EPCAM: variants seen among roughly 807,000 people sequenced by gnomAD.
The protein encoded by EPCAM is epithelial cell adhesion molecule, also known as adenocarcinoma-associated antigen.
Under a neutral mutation model 40.0 loss-of-function variants are expected in EPCAM, and 39 were observed. The ratio of observed to expected loss-of-function variants is 0.98; its 90% CI spans 0.76 to 1.27. The LOEUF (loss-of-function observed/expected upper bound fraction) is 1.27, where lower values mean the gene tolerates loss of function less well. Among genes scored for constraint, EPCAM ranks in the 50% most tolerant of loss-of-function variants. The probability of loss-of-function intolerance (pLI) is 0.00; values close to 1 mark genes in which losing one functional copy is unlikely to be tolerated. For missense variants in EPCAM, 503 were observed against 381.2 expected, an observed-to-expected ratio of 1.32 and a Z score of -2.66; for synonymous variants, 168 against 132.3, an observed-to-expected ratio of 1.27 and a Z score of -1.85.
At chr2:47,374,625 G>GT (rs1671374530) in intron 3 of EPCAM, among the ~76,000 whole-genome samples, 2 of 151,914 alleles carry the variant, frequency 1.3e-5, no homozygotes, top group African/African-American at 4.8e-5. Flanking sequence ...CCTTTCTTTT[G>GT]TTTTTTCTTT....
At position 47,386,581 on chromosome 2, in the gene EPCAM, A is replaced by G. The variant is rs753121449; in HGVS notation, c.913A>G (p.Met305Val). ...CTTTTTCCTGTTTCAGATAAAGGAGATGGGTGAGATGCATAGGGAACTCAA... is the reference window on the plus strand; with the variant it reads ...CTTTTTCCTGTTTCAGATAAAGGAGGTGGGTGAGATGCATAGGGAACTCAA... ...AKYEKAEIKE[M>V]GEMHRELNA is the part of the protein sequence containing the mutation. The change falls in exon 9 of 9, where the codon ATG (methionine) becomes GTG (valine). Residue 305 changes from methionine (M) to valine (V), a missense_variant. Coordinates refer to ENST00000263735, the MANE Select transcript of EPCAM (RefSeq NM_002354.3). 4.4e-6 allele frequency: 7 copies of G among 1,606,134 alleles called. No individual in the cohort carries two copies. The South Asian group carries it at 4.4e-5, about 10-fold the overall frequency.
rs1421813110 is a variant in EPCAM at position 47,378,877 on chromosome 2, A to G, written c.556-76A>G. On this transcript the variant is annotated intron_variant, in intron 5 of 8. Transcript: ENST00000263735. ...AGAAAATCAAACACTGAATATTCTG[A>G]TTCTCAATTAATGTTATTTTCAAAT... 86 of 757,812 alleles carry G rather than the reference A, an allele frequency of 1.1e-4. 3 individuals carry two copies. The highest frequency in any genetic ancestry group is 1.0e-3 in the South Asian group (70 of 69,026). 46.9% of individuals were successfully genotyped at this position (757,812 alleles called of 1,614,324 possible). A position where few individuals can be genotyped will look rare whatever the true frequency, so the allele number is the denominator to read the frequency against.
At chr2:47,375,140 T>C (rs924866369) in intron 3 of EPCAM, 94 bp from the exon 4 acceptor site, 5 of 916,120 alleles carry the variant, frequency 5.5e-6, no homozygotes, top group Non-Finnish European at 8.8e-6. Context: ...TTTCTCTTAG[T>C]CCTTATAATT....
In EPCAM at chr2:47,379,879, AC is replaced by A; in HGVS notation, c.770del (p.Pro257LeufsTer8). 6.2e-7 allele frequency: 1 copy of A among 1,614,164 alleles called. No homozygotes were observed. Among genetic ancestry groups the A allele is most frequent in the Non-Finnish European group, 8.5e-7 (1 of 1,180,034 alleles). ...TLIYYVDEKA[P>X]EFSMQGLKAG... is the part of the protein sequence containing the mutation. ...TAATTTATTATGTTGATGAAAAAGC[AC>A]CTGAATTCTCAATGCAGGGTCTAAA... On this transcript the variant is annotated frameshift_variant, in exon 7 of 9. Coordinates refer to ENST00000263735, the MANE Select transcript of EPCAM (RefSeq NM_002354.3). LOFTEE classifies it high-confidence loss of function.
chr2:47,378,172 C>G (rs965900407), intron 5 of EPCAM, among the ~76,000 whole-genome samples: 2 of 152,086 alleles, frequency 1.3e-5, no homozygotes, highest in South Asian at 4.1e-4. Flanking sequence ...GCGGAGCTTG[C>G]AGTCAGCTGA....
chr2:47,377,787 G>T, intron 5 of EPCAM: 1 of 464,410 alleles, frequency 2.2e-6, no homozygotes, highest in Non-Finnish European at 4.4e-6. Flanking sequence ...CTGCTTTAAG[G>T]AACTAGTCCT....
intron 5 of EPCAM, among the ~76,000 whole-genome samples, chr2:47,377,452 G>A (rs1002313248): frequency 6.6e-6 from 1 of 151,926 alleles, no homozygotes; most frequent in African/African-American, 2.4e-5. Flanking sequence ...GGCCAGGCTG[G>A]TCTCGAACTC....
Position 47,386,623 on chromosome 2 carries a change from T to A in EPCAM, c.*10T>A, listed in dbSNP as rs1244915626. On this transcript the variant is annotated 3_prime_UTR_variant, in exon 9 of 9. Coordinates refer to ENST00000263735, the MANE Select transcript of EPCAM (RefSeq NM_002354.3). ...GGAACTCAATGCATAACTATATAAT[T>A]TGAAGATTATAGAAGAAGGGAAATA... 1.3e-6 allele frequency: 2 copies of A among 1,586,202 alleles called. No individual in the cohort carries two copies. The highest frequency in any genetic ancestry group is 1.7e-6 in the Non-Finnish European group (2 of 1,155,666).
intron 3 of EPCAM, 94 bp from the exon 4 acceptor site, chr2:47,375,140 T>G: frequency 1.1e-6 from 1 of 916,238 alleles, no homozygotes; most frequent in South Asian, 1.4e-5. Flanking sequence ...TTTCTCTTAG[T>G]CCTTATAATT....
chr2:47,374,579 T>G (rs1671373500), intron 3 of EPCAM, among the ~76,000 whole-genome samples: 1 of 152,144 alleles, frequency 6.6e-6, no homozygotes, highest in Non-Finnish European at 1.5e-5. Context: ...TCTGTTCTGG[T>G]CTTCTGGAGC....
rs1339957116 is a variant in EPCAM, at chr2:47,374,026, T to G, written c.403T>G (p.Cys135Gly). The G allele has an allele frequency of 6.2e-7, 1 of 1,614,246 alleles. No homozygotes were observed. The highest frequency in any genetic ancestry group is 8.5e-7 in the Non-Finnish European group (1 of 1,180,056). ...AACAGACAAGGACACTGAAATAACC[T>G]GCTCTGAGCGAGTGAGAACCTAGTG... ...RRTDKDTEIT[C>G]SERVRTYWII... Residue 135 changes from cysteine (C) to glycine (G), a missense_variant, in exon 3 of 9, where the codon TGC becomes GGC. Transcript: ENST00000263735.
chr2:47,377,971 G>A (rs544460174), intron 5 of EPCAM, among the ~76,000 whole-genome samples: 5 of 152,114 alleles, frequency 3.3e-5, no homozygotes, highest in South Asian at 2.1e-4. Context: ...GGTGGCTCAC[G>A]CCTGTAATCC....
intron 8 of EPCAM, 94 bp from the exon 9 acceptor site, chr2:47,386,478 C>T (rs1433019981): frequency 2.1e-6 from 2 of 936,808 alleles, no homozygotes; most frequent in Non-Finnish European, 1.7e-6. Context: ...ATCTTGTGTT[C>T]CTTTAATTTC....
chr2:47,383,305 G>GGAAAAAA (rs1305593102), intron 7 of EPCAM: 8 of 124,040 alleles, frequency 6.4e-5, no homozygotes, highest in African/African-American at 2.3e-4. Flanking sequence ...GACTCCATCT[G>GGAAAAAA]AAAAAAAAAA....
intron 4 of EPCAM, 35 bp from the exon 5 acceptor site, chr2:47,376,979 A>ATT (rs141632294): frequency 1.4e-5 from 20 of 1,435,078 alleles, no homozygotes; most frequent in African/African-American, 2.8e-5. Flanking sequence ...TGGTACAAAC[A>ATT]TTTTTTTTTA....
Position 47,381,392 on chromosome 2 carries a change from C to CAAA in EPCAM, c.858+1441_858+1443dup, listed in dbSNP as rs370875469. On this transcript the variant is annotated intron_variant, in intron 7 of 8. Coordinates refer to ENST00000263735, the MANE Select transcript of EPCAM (RefSeq NM_002354.3). ...GAGCAACAAGAGTGAAACTCCGTCTCAAAAAAAAAAAAAAAAAAAAGAAAT... is the reference window on the plus strand; with the variant it reads ...GAGCAACAAGAGTGAAACTCCGTCTCAAAAAAAAAAAAAAAAAAAAAAAGAAAT... Among the ~76,000 whole-genome samples the CAAA allele has an allele frequency of 5.2e-3, 384 of 74,156 alleles. 11 individuals are homozygous for CAAA. Among genetic ancestry groups the CAAA allele is most frequent in the East Asian group, 0.033 (96 of 2,924 alleles). The allele number at this position is 74,156 out of a possible 152,430, so 48.6% of individuals were successfully genotyped here.
rs994185808 is a variant in EPCAM, at chr2:47,373,805, C to T, written c.185-3C>T. ...CAGTTTGGCATTAAGGTTTCTTTTTCAGTGGCTGCCAAATGTTTGGTGATG... is the reference window on the plus strand; with the variant it reads ...CAGTTTGGCATTAAGGTTTCTTTTTTAGTGGCTGCCAAATGTTTGGTGATG... On this transcript the variant is annotated splice_polypyrimidine_tract_variant and splice_region_variant and intron_variant, in intron 2 of 8. Coordinates refer to ENST00000263735, the MANE Select transcript of EPCAM (RefSeq NM_002354.3). The T allele has an allele frequency of 7.4e-6, 12 of 1,613,590 alleles. No individual in the cohort carries two copies. Among genetic ancestry groups the T allele is most frequent in the Admixed American group, 5.0e-5 (3 of 59,900 alleles).
At chr2:47,373,738 G>C (rs2103746663) in intron 2 of EPCAM, 70 bp from the exon 3 acceptor site, 1 of 1,598,966 alleles carries the variant, frequency 6.3e-7, no homozygotes. Context: ...GAACTTTAGA[G>C]TTAATTTTTT....
At chr2:47,381,722 T>G (rs190281855) in intron 7 of EPCAM, among the ~76,000 whole-genome samples, 1 of 152,262 alleles carries the variant, frequency 6.6e-6, no homozygotes, top group East Asian at 1.9e-4. Flanking sequence ...TAGGGGAAAT[T>G]ATGTAAGGCA....
Sources: gnomAD v4.1 joint callset for allele counts (sites outside exome capture counted in the v4.1 genomes callset) on GRCh38, gnomAD v4.1.1 for gene constraint, MANE v1.5 for transcripts, NCBI Gene and HGNC (gene_info 2026-07-23, HGNC 2026-07-21) for gene names.